Variants in ANAPC5 observed in about 807,000 individuals in gnomAD.
ANAPC5 encodes anaphase promoting complex subunit 5, also known as anaphase-promoting complex subunit 5.
In ANAPC5, 60 loss-of-function variants were observed where a neutral mutation model predicts 91.3. The observed-to-expected ratio is 0.66, with a 90% CI of 0.53 to 0.81. ANAPC5 has a LOEUF of 0.81. Among genes scored for constraint, ANAPC5 ranks in the 40% least tolerant of loss-of-function variants. ANAPC5 has a pLI of 0.00. For missense variants in ANAPC5, 690 were observed against 931.5 expected (o/e 0.74, Z 3.37); for synonymous variants, 340 against 364.1 (o/e 0.93, Z 0.75).
At chr12:121,341,009 G>A (rs564262788) in intron 5 of ANAPC5, among the ~76,000 whole-genome samples, 1 of 151,930 alleles carries the variant, frequency 6.6e-6, no homozygotes, top group South Asian at 2.1e-4. Context: ...CCAAGAAAAT[G>A]AAAAAATATG....
intron 3 of ANAPC5, 78 bp downstream of exon 3, chr12:121,346,818 G>T: frequency 2.4e-6 from 2 of 843,182 alleles, no homozygotes; most frequent in Non-Finnish European, 3.6e-6. Context: ...AGATATAGCA[G>T]AACAATGATA....
intron 16 of ANAPC5, among the ~76,000 whole-genome samples, chr12:121,309,335 G>A (rs1438908280): frequency 6.6e-6 from 1 of 151,108 alleles, no homozygotes; most frequent in Non-Finnish European, 1.5e-5. Context: ...ATATTCAGGA[G>A]GCTGAGGCAG....
At chr12:121,319,524 A>G (rs1311110654) in intron 13 of ANAPC5, among the ~76,000 whole-genome samples, 173 bp downstream of exon 13, 1 of 139,378 alleles carries the variant, frequency 7.2e-6, no homozygotes, top group Non-Finnish European at 1.7e-5. Context: ...GTAAGTCACC[A>G]TGCCCAGTTA....
At chr12:121,332,288 G>A (rs143579319) in intron 7 of ANAPC5, 2 of 152,178 alleles carry the variant, frequency 1.3e-5, no homozygotes, top group Non-Finnish European at 2.9e-5. Context: ...AAAGTATTTT[G>A]AGGATTCCCA....
At chr12:121,335,062 T>A (rs2136794430) in intron 7 of ANAPC5, 1 of 152,794 alleles carries the variant, frequency 6.5e-6, no homozygotes, top group East Asian at 1.9e-4. Context: ...ATCTTCTTTT[T>A]AAAAAATACA....
chr12:121,316,638 C>G (rs1593576056), intron 15 of ANAPC5, among the ~76,000 whole-genome samples: 1 of 143,880 alleles, frequency 7.0e-6, no homozygotes, highest in African/African-American at 2.6e-5. Context: ...AAGGCTGAGG[C>G]AGGAGAATGG....
At chr12:121,327,756 G>A (rs1254664957) in intron 10 of ANAPC5, 1 of 155,546 alleles carries the variant, frequency 6.4e-6, no homozygotes, top group Non-Finnish European at 1.4e-5. Flanking sequence ...ATTAAAATGC[G>A]GCAACAAAGT....
In ANAPC5 at chr12:121,352,357, GTCTCGGGCC is replaced by G. The variant is rs782419114; in HGVS notation, c.-26_-18del. The G allele has an allele frequency of 9.3e-5, 146 of 1,578,350 alleles. No individual in the cohort carries two copies. The highest frequency in any genetic ancestry group is 1.3e-4 in the Non-Finnish European group (146 of 1,158,826). ...GCTGGCCATGGCGGCCCGAGACTAAGTCTCGGGCCCGCGGCGCGCTGCCGCCAGTTGTCA... is the reference window on the plus strand; with the variant it reads ...GCTGGCCATGGCGGCCCGAGACTAAGCGCGGCGCGCTGCCGCCAGTTGTCA... On this transcript the variant is annotated 5_prime_UTR_variant, in exon 1 of 17. Coordinates refer to ENST00000261819, the MANE Select transcript of ANAPC5 (RefSeq NM_016237.5).
chr12:121,353,919 A>G (rs1049819095), upstream of ANAPC5, among the ~76,000 whole-genome samples: 21 of 151,894 alleles, frequency 1.4e-4, no homozygotes, highest in Non-Finnish European at 1.9e-4. Flanking sequence ...GCCAGGCTCA[A>G]GCAATCCTCC....
intron 15 of ANAPC5, among the ~76,000 whole-genome samples, chr12:121,314,226 C>G (rs573669441): frequency 1.1e-4 from 17 of 152,190 alleles, no homozygotes; most frequent in African/African-American, 3.9e-4. Context: ...ATGGCAAAAC[C>G]CTGTCTCTAC....
At position 121,338,252 on chromosome 12, in the gene ANAPC5, A is replaced by T. The variant is rs1903319438; in HGVS notation, c.658-860T>A. 3.3e-5 allele frequency among the ~76,000 whole-genome samples: 5 copies of T among 152,084 alleles called. No homozygotes were observed. The South Asian group carries it at 6.2e-4, about 19-fold the overall frequency. ...TAATTTCTTTAAAAAAAATTTTTTT[A>T]AAGTAAAAATAATTTCTAATTCCAT... On this transcript the variant is annotated intron_variant, in intron 5 of 16. Coordinates refer to ENST00000261819, the MANE Select transcript of ANAPC5 (RefSeq NM_016237.5).
At position 121,327,092 on chromosome 12, in the gene ANAPC5, C is replaced by G; in HGVS notation, c.1440+4G>C. 2 of 1,591,392 alleles carry G rather than the reference C, an allele frequency of 1.3e-6. No homozygotes were observed. The highest frequency in any genetic ancestry group is 1.7e-6 in the Non-Finnish European group (2 of 1,171,102). ...GAAGCACGTGGGCCCGGCCACCTGC[C>G]TACCTGCTCCGCGTGTAGCTCTGCG... On this transcript the variant is annotated splice_donor_region_variant and intron_variant, in intron 11 of 16. Coordinates refer to ENST00000261819, the MANE Select transcript of ANAPC5 (RefSeq NM_016237.5).
chr12:121,329,731 T>G (rs1394982959), intron 9 of ANAPC5, among the ~76,000 whole-genome samples: 2 of 151,872 alleles, frequency 1.3e-5, no homozygotes, highest in African/African-American at 4.8e-5. Context: ...CTCTCCTGCC[T>G]CAGCCTCCTA....
chr12:121,322,605 C>T (rs1414772632), intron 11 of ANAPC5, among the ~76,000 whole-genome samples: 1 of 152,138 alleles, frequency 6.6e-6, no homozygotes, highest in Non-Finnish European at 1.5e-5. Context: ...AATTATGGTA[C>T]ATGAAAATAA....
intron 9 of ANAPC5, among the ~76,000 whole-genome samples, chr12:121,329,401 C>G (rs1316682042): frequency 2.6e-5 from 4 of 152,118 alleles, no homozygotes; most frequent in African/African-American, 9.7e-5. Context: ...ATCCACCCGC[C>G]TTGGCCTCCC....
chr12:121,352,555 G>T, upstream of ANAPC5: 1 of 524,354 alleles, frequency 1.9e-6, no homozygotes, highest in Admixed American at 3.5e-5. Flanking sequence ...GCGGGGAGGG[G>T]TGCACCAAAA....
At chr12:121,340,916 A>C (rs1379520321) in intron 5 of ANAPC5, among the ~76,000 whole-genome samples, 1 of 152,118 alleles carries the variant, frequency 6.6e-6, no homozygotes, top group Non-Finnish European at 1.5e-5. Context: ...GCTCATAACA[A>C]AATTAGGGAA....
rs181508855 is a variant in ANAPC5, at chr12:121,347,980, A to G, written c.208-99T>C. 1,372 of 831,404 alleles carry G rather than the reference A, an allele frequency of 1.7e-3. 4 individuals carry two copies. The highest frequency in any genetic ancestry group is 2.2e-3 in the Non-Finnish European group (1,132 of 509,502). The allele number at this position is 831,404 out of a possible 1,614,324, so 51.5% of individuals were successfully genotyped here. A position where few individuals can be genotyped will look rare whatever the true frequency, so the allele number is the denominator to read the frequency against. On this transcript the variant is annotated intron_variant, in intron 1 of 16. Transcript: ENST00000261819. Reference sequence around the variant, plus strand: ...CATTTATCAACCCCTCTGCTTTAATAATCACTCCAAACATGCAAATAAGGA... The same window carrying G: ...CATTTATCAACCCCTCTGCTTTAATGATCACTCCAAACATGCAAATAAGGA...
At chr12:121,353,435 C>CTTTTGTTTTGTTTTGTTTTG (rs61516038), upstream of ANAPC5, among the ~76,000 whole-genome samples, 170 of 150,942 alleles carry the variant, frequency 1.1e-3, 1 homozygote, top group Middle Eastern at 3.4e-3. Flanking sequence ...TGCCTTGTGC[C>CTTTTGTTTTGTTTTGTTTTG]TTTTGTTTTG....
Sources: gnomAD v4.1 joint callset for allele counts (sites outside exome capture counted in the v4.1 genomes callset) on GRCh38, gnomAD v4.1.1 for gene constraint, MANE v1.5 for transcripts, NCBI Gene and HGNC (gene_info 2026-07-23, HGNC 2026-07-21) for gene names.